The following SEMA3A variants were observed in gnomAD, a reference collection of about 807,000 sequenced individuals.
The protein encoded by SEMA3A is semaphorin 3A.
Under a neutral mutation model 97.9 loss-of-function variants are expected in SEMA3A, and 29 were observed. That is an observed-to-expected ratio of 0.30 (90% CI 0.22 to 0.40). SEMA3A has a LOEUF of 0.40. Among genes scored for constraint, SEMA3A ranks in the 10% least tolerant of loss-of-function variants. The probability of loss-of-function intolerance (pLI) is 1.00; values close to 1 mark genes in which losing one functional copy is unlikely to be tolerated. For missense variants in SEMA3A, 763 were observed against 951.3 expected, an observed-to-expected ratio of 0.80 and a Z score of 2.60; for synonymous variants, 321 against 323.7, an observed-to-expected ratio of 0.99 and a Z score of 0.09.
chr7:84,352,916 T>C (rs1050429560), intron 2 of SEMA3A, among the ~76,000 whole-genome samples: 1 of 151,818 alleles, frequency 6.6e-6, no homozygotes, highest in African/African-American at 2.4e-5. Flanking sequence ...TAAGAATCTT[T>C]GGATTGGTAA....
chr7:84,205,739 A>C (rs894476932), intron 3 of SEMA3A, among the ~76,000 whole-genome samples: 3 of 152,198 alleles, frequency 2.0e-5, no homozygotes, highest in African/African-American at 7.2e-5. Context: ...GACTTTAAAG[A>C]ATCATGTTTT....
intron 2 of SEMA3A, among the ~76,000 whole-genome samples, chr7:84,333,531 AATT>A (rs1562907254): frequency 6.6e-6 from 1 of 152,170 alleles, no homozygotes; most frequent in African/African-American, 2.4e-5. Flanking sequence ...AGGAGTACTT[AATT>A]ATTATTTCAA....
intron 4 of SEMA3A, among the ~76,000 whole-genome samples, chr7:84,085,194 G>A (rs1268199622): frequency 1.3e-5 from 2 of 151,600 alleles, no homozygotes; most frequent in African/African-American, 2.4e-5. Flanking sequence ...GGTCAAACAT[G>A]AACATGTGTC....
intron 2 of SEMA3A, among the ~76,000 whole-genome samples, chr7:84,338,104 ATAAG>A (rs976543362): frequency 1.8e-4 from 27 of 151,872 alleles, no homozygotes; most frequent in South Asian, 4.2e-4. Context: ...ATATACCTGT[ATAAG>A]TATGTGCATA....
At position 84,325,930 on chromosome 7, in the gene SEMA3A, T is replaced by C. The variant is rs1801765409; in HGVS notation, c.-168-18638A>G. ...CCCATTTCCCCACCCCCAACACTAG[T>C]ATCCACTGTTCTGCTCTCAGCTTCT... is the stretch of plus-strand genomic sequence containing the variant. On this transcript the variant is annotated intron_variant, in intron 2 of 3. Coordinates refer to the SEMA3A transcript ENST00000424555. Among the ~76,000 whole-genome samples the C allele has an allele frequency of 2.0e-5, 3 of 152,064 alleles. No homozygotes were observed. The South Asian group carries it at 6.2e-4, about 31-fold the overall frequency.
intron 1 of SEMA3A, among the ~76,000 whole-genome samples, chr7:84,479,294 T>TA (rs979284087): frequency 3.3e-5 from 5 of 152,048 alleles, no homozygotes; most frequent in African/African-American, 4.8e-5. Context: ...GTCAATTCCT[T>TA]AAAAAAAGTC....
At chr7:84,147,754 CAT>C (rs1292422490) in intron 1 of SEMA3A, among the ~76,000 whole-genome samples, 2 of 152,212 alleles carry the variant, frequency 1.3e-5, no homozygotes, top group Non-Finnish European at 2.9e-5. Context: ...CATAATTTAT[CAT>C]GCTGCTCTTA....
At chr7:84,387,201 C>A (rs1216313124) in intron 1 of SEMA3A, among the ~76,000 whole-genome samples, 1 of 151,984 alleles carries the variant, frequency 6.6e-6, no homozygotes, top group South Asian at 2.1e-4. Context: ...GATATTTAAT[C>A]CACAGTTTTC....
intron 2 of SEMA3A, among the ~76,000 whole-genome samples, chr7:84,350,396 A>G (rs1802408025): frequency 6.6e-6 from 1 of 152,044 alleles, no homozygotes; most frequent in African/African-American, 2.4e-5. Context: ...CTGAAAACAT[A>G]GTATATTTAT....
chr7:84,408,476 T>A (rs911556557), intron 1 of SEMA3A, among the ~76,000 whole-genome samples: 1 of 151,826 alleles, frequency 6.6e-6, no homozygotes, highest in African/African-American at 2.4e-5. Context: ...ATTGTGGAAG[T>A]CAGTGTGGCG....
At chr7:84,461,505 C>A (rs1323102793) in intron 1 of SEMA3A, among the ~76,000 whole-genome samples, 2 of 150,588 alleles carry the variant, frequency 1.3e-5, no homozygotes, top group Non-Finnish European at 1.5e-5. Context: ...TTAAATAAGA[C>A]AAACTTCAAT....
At chr7:84,380,957 T>C (rs667763) in intron 1 of SEMA3A, among the ~76,000 whole-genome samples, 18,470 of 152,150 alleles carry the variant, frequency 0.12, 2,081 homozygotes, top group East Asian at 0.35. Context: ...ATCTCTTCAT[T>C]TCCAAGGACT....
intron 1 of SEMA3A, among the ~76,000 whole-genome samples, chr7:84,487,189 G>GA (rs1189625481): frequency 6.6e-6 from 1 of 152,070 alleles, no homozygotes; most frequent in Admixed American, 6.6e-5. Context: ...GGCTAGAAAT[G>GA]AAAAAATATT....
At chr7:84,388,146 A>G (rs1803447773) in intron 1 of SEMA3A, among the ~76,000 whole-genome samples, 1 of 152,180 alleles carries the variant, frequency 6.6e-6, no homozygotes. Context: ...ATCACAAAAC[A>G]TTTGAACTTC....
intron 3 of SEMA3A, among the ~76,000 whole-genome samples, chr7:84,257,713 A>C (rs1799749945): frequency 6.6e-6 from 1 of 152,180 alleles, no homozygotes; most frequent in African/African-American, 2.4e-5. Flanking sequence ...ATGAAACTGA[A>C]AAGCAATAAA....
chr7:84,011,030 C>T lies in SEMA3A; in HGVS notation c.987G>A (p.Thr329=), dbSNP rs139214465. Residue 329 remains threonine, a synonymous_variant, in exon 9 of 17, where the codon ACG becomes ACA. Coordinates refer to ENST00000265362, the MANE Select transcript of SEMA3A (RefSeq NM_006080.3). ...PKNPVVYGVF[T]TSSNIFKGSA... is the part of the protein sequence containing the mutation. ...GTTAAAAAGTTACTTACCTGGAAGT[C>T]GTAAACACTCCATATACAACTGGAT... 19 of 1,605,970 alleles carry T rather than the reference C, an allele frequency of 1.2e-5. No individual in the cohort carries two copies. Among genetic ancestry groups the T allele is most frequent in the Admixed American group, 3.4e-5 (2 of 59,470 alleles).
At chr7:84,160,481 G>A (rs536163323) in intron 1 of SEMA3A, among the ~76,000 whole-genome samples, 140 of 152,102 alleles carry the variant, frequency 9.2e-4, no homozygotes, top group African/African-American at 3.2e-3. Flanking sequence ...CCCAAGAAGC[G>A]GAGGTTGCAG....
chr7:84,282,140 A>G (rs1242242392), intron 3 of SEMA3A, among the ~76,000 whole-genome samples: 2 of 152,162 alleles, frequency 1.3e-5, no homozygotes, highest in Admixed American at 1.3e-4. Flanking sequence ...ATGTCACAAC[A>G]TCATCCTTTT....
intron 5 of SEMA3A, among the ~76,000 whole-genome samples, chr7:84,059,385 C>A (rs975460449): frequency 6.6e-6 from 1 of 151,628 alleles, no homozygotes; most frequent in Non-Finnish European, 1.5e-5. Context: ...AACATGGTGA[C>A]AAAAGAAAAC....
Sources: allele counts gnomAD v4.1 joint callset (sites outside exome capture counted in the v4.1 genomes callset), GRCh38; gene constraint gnomAD v4.1.1; transcripts MANE v1.5; gene names NCBI Gene and HGNC (gene_info 2026-07-23, HGNC 2026-07-21).